The following AKIRIN1 variants were observed in gnomAD, a reference collection of about 807,000 sequenced individuals.
The protein encoded by AKIRIN1 is akirin-1.
Under a neutral mutation model 25.9 loss-of-function variants are expected in AKIRIN1, and 4 were observed. The ratio of observed to expected loss-of-function variants is 0.15; its 90% CI spans 0.08 to 0.35. AKIRIN1 has a LOEUF of 0.35. Ranked by LOEUF, AKIRIN1 falls within the 10% of genes least tolerant of loss-of-function variation. The probability of loss-of-function intolerance (pLI) is 1.00; values close to 1 mark genes in which losing one functional copy is unlikely to be tolerated. For synonymous variants in AKIRIN1, 125 were observed against 105.1 expected (o/e 1.19, Z -1.16); for missense variants, 243 against 266.1 (o/e 0.91, Z 0.61).
At chr1:39,003,292 T>G (rs753210399) in intron 3 of AKIRIN1, 55 bp from the exon 4 acceptor site, 5 of 1,541,912 alleles carry the variant, frequency 3.2e-6, no homozygotes, top group Non-Finnish European at 4.5e-6. Flanking sequence ...TGACGCTTGA[T>G]TCTTAAAAAT....
At chr1:39,003,447 TTCTAAG>T in intron 4 of AKIRIN1, 29 bp downstream of exon 4, 1 of 1,605,836 alleles carries the variant, frequency 6.2e-7, no homozygotes, top group East Asian at 2.2e-5. Context: ...TCTTTGAATT[TTCTAAG>T]TTTCAAGAGC....
In AKIRIN1 at chr1:39,004,692, A is replaced by G. The variant is rs4147753; in HGVS notation, c.*637A>G. ...TGATAAAGCGAAGGTCTGCGGTCCT[A>G]TATCTACAGACACGTGGTGAGAAAT... On this transcript the variant is annotated 3_prime_UTR_variant, in exon 5 of 5. Coordinates refer to ENST00000432648, the MANE Select transcript of AKIRIN1 (RefSeq NM_024595.3). The G allele has an allele frequency of 0.26, 42,193 of 159,612 alleles. 5,739 individuals carry two copies. The highest frequency in any genetic ancestry group is 0.31 in the East Asian group (1,664 of 5,346). 9.9% of individuals were successfully genotyped at this position (159,612 alleles called of 1,614,324 possible). A position where few individuals can be genotyped will look rare whatever the true frequency, so the allele number is the denominator to read the frequency against.
chr1:39,000,073 G>A (rs1463897646), intron 2 of AKIRIN1, among the ~76,000 whole-genome samples: 5 of 151,724 alleles, frequency 3.3e-5, no homozygotes, highest in African/African-American at 4.8e-5. Context: ...TAGTAGAGGC[G>A]GGATTTCACC....
intron 2 of AKIRIN1, 111 bp from the exon 3 acceptor site, chr1:39,000,861 G>A: frequency 1.6e-6 from 2 of 1,227,672 alleles, no homozygotes; most frequent in Non-Finnish European, 2.2e-6. Context: ...TCTCCACGTT[G>A]TCAGGCTGGT....
chr1:39,002,564 A>C (rs1644002032), intron 3 of AKIRIN1, among the ~76,000 whole-genome samples: 1 of 152,144 alleles, frequency 6.6e-6, no homozygotes, highest in African/African-American at 2.4e-5. Context: ...CCCCGTCTCT[A>C]CTAAAAATAC....
intron 1 of AKIRIN1, 61 bp downstream of exon 1, chr1:38,991,661 GGTGGGGGA>G: frequency 2.4e-5 from 21 of 891,548 alleles, no homozygotes; most frequent in East Asian, 3.9e-5. Flanking sequence ...TGGGGGGGGT[GGTGGGGGA>G]GGGTTGGGAA....
At chr1:38,997,603 C>T (rs1485672228) in intron 1 of AKIRIN1, among the ~76,000 whole-genome samples, 3 of 152,174 alleles carry the variant, frequency 2.0e-5, no homozygotes, top group Admixed American at 2.0e-4. Context: ...AGGGATCCTC[C>T]CGCCTCCCCC....
chr1:38,997,091 G>A (rs941052996), intron 1 of AKIRIN1, among the ~76,000 whole-genome samples: 3 of 149,728 alleles, frequency 2.0e-5, no homozygotes, highest in Non-Finnish European at 4.4e-5. Context: ...AAGTGGCATT[G>A]TTAATACCTC....
At chr1:38,994,056 G>GTGAAA (rs1643929125) in intron 1 of AKIRIN1, among the ~76,000 whole-genome samples, 1 of 150,234 alleles carries the variant, frequency 6.7e-6, no homozygotes, top group African/African-American at 2.5e-5. Context: ...GGTGACAAGA[G>GTGAAA]TGAAACTCCA....
Position 39,004,101 on chromosome 1 carries a change from C to A in AKIRIN1, c.*46C>A. 1 of 1,591,334 alleles carries A rather than the reference C, an allele frequency of 6.3e-7. No individual in the cohort carries two copies. The highest frequency in any genetic ancestry group is 1.1e-5 in the South Asian group (1 of 90,580). On this transcript the variant is annotated 3_prime_UTR_variant, in exon 5 of 5. Coordinates refer to ENST00000432648, the MANE Select transcript of AKIRIN1 (RefSeq NM_024595.3). ...TACCAGGTTTGACCTCAAGAGATGG[C>A]TGCTGTACACTTTTTGCAACTGGTT...
intron 1 of AKIRIN1, among the ~76,000 whole-genome samples, chr1:38,992,481 C>A (rs1227595200): frequency 6.6e-6 from 1 of 152,090 alleles, no homozygotes; most frequent in Non-Finnish European, 1.5e-5. Context: ...TTTTTCTATT[C>A]CTCAAGCTTA....
Position 38,991,532 on chromosome 1 carries a change from C to G in AKIRIN1, c.152C>G (p.Thr51Arg). 2 of 1,460,228 alleles carry G rather than the reference C, an allele frequency of 1.4e-6. No homozygotes were observed. The highest frequency in any genetic ancestry group is 1.8e-6 in the Non-Finnish European group (2 of 1,111,132). The allele number at this position is 1,460,228 out of a possible 1,614,324, so 90.5% of individuals were successfully genotyped here. A position where few individuals can be genotyped will look rare whatever the true frequency, so the allele number is the denominator to read the frequency against. The stretch of plus-strand genomic sequence containing the variant: ...GCCGAGCCGCCGCCGCCGTTTCAGA[C>G]GCAGACCCCACCGCAGAGTCTGCAG... ...PDAEPPPPFQ[T>R]QTPPQSLQQP... Residue 51 changes from threonine (T) to arginine (R), a missense_variant, in exon 1 of 5, where the codon ACG becomes AGG. By Grantham distance (71) the Thr-to-Arg change is moderately conservative (BLOSUM62 -1). This residue lies in a region of AKIRIN1 where 190 missense variants were observed against 174.4 expected (regional missense o/e 1.09). Transcript: ENST00000432648.
At position 39,004,895 on chromosome 1, in the gene AKIRIN1, AGGAGCATCAGGGTTGGCTTG is replaced by A. The variant is rs753657279; in HGVS notation, c.*848_*867del. On this transcript the variant is annotated 3_prime_UTR_variant, in exon 5 of 5. Transcript: ENST00000432648. Reference sequence around the variant, plus strand: ...AAGGGAAAAGGTCTACCCTGGAGCCAGGAGCATCAGGGTTGGCTTGGGAGCATGAGAGGTGAGCCCAGGGC... The same window carrying A: ...AAGGGAAAAGGTCTACCCTGGAGCCAGGAGCATGAGAGGTGAGCCCAGGGC... 3 of 152,416 alleles carry A rather than the reference AGGAGCATCAGGGTTGGCTTG, an allele frequency of 2.0e-5. No homozygotes were observed. The highest frequency in any genetic ancestry group is 2.9e-5 in the Non-Finnish European group (2 of 68,140). The allele number at this position is 152,416 out of a possible 1,614,324, so 9.4% of individuals were successfully genotyped here.
intron 1 of AKIRIN1, among the ~76,000 whole-genome samples, chr1:38,995,657 G>A (rs892689705): frequency 6.6e-6 from 1 of 152,158 alleles, no homozygotes; most frequent in Non-Finnish European, 1.5e-5. Context: ...TCTCTTAAGC[G>A]TTGTCCTCAT....
intron 3 of AKIRIN1, among the ~76,000 whole-genome samples, chr1:39,002,330 C>G (rs574257392): frequency 2.6e-5 from 4 of 152,292 alleles, no homozygotes; most frequent in African/African-American, 9.6e-5. Flanking sequence ...AACGTGGTTC[C>G]TCAGAATATT....
At chr1:39,001,761 T>A (rs1643993483) in intron 3 of AKIRIN1, among the ~76,000 whole-genome samples, 1 of 152,184 alleles carries the variant, frequency 6.6e-6, no homozygotes, top group Non-Finnish European at 1.5e-5. Flanking sequence ...CTTGCAAGAA[T>A]TTTCCATATC....
In AKIRIN1 at chr1:38,991,537, AC is replaced by A; in HGVS notation, c.161del (p.Pro54HisfsTer27). On this transcript the variant is annotated frameshift_variant, in exon 1 of 5. Coordinates refer to ENST00000432648, the MANE Select transcript of AKIRIN1 (RefSeq NM_024595.3). LOFTEE classifies it high-confidence loss of function. ...GCCGCCGCCGCCGTTTCAGACGCAGACCCCACCGCAGAGTCTGCAGCAGCCC... is the reference window on the plus strand; with the variant it reads ...GCCGCCGCCGCCGTTTCAGACGCAGACCCACCGCAGAGTCTGCAGCAGCCC... ...AEPPPPFQTQTPPQSLQQPAP... is the reference protein window; with the variant it reads ...AEPPPPFQTQXPPQSLQQPAP... 1 of 1,455,324 alleles carries A rather than the reference AC, an allele frequency of 6.9e-7. No homozygotes were observed. Among genetic ancestry groups the A allele is most frequent in the Non-Finnish European group, 9.0e-7 (1 of 1,109,136 alleles). The allele number at this position is 1,455,324 out of a possible 1,614,324, so 90.2% of individuals were successfully genotyped here. A position where few individuals can be genotyped will look rare whatever the true frequency, so the allele number is the denominator to read the frequency against.
chr1:39,003,302 T>C (rs772503950), intron 3 of AKIRIN1, 45 bp from the exon 4 acceptor site: 1 of 1,574,868 alleles, frequency 6.3e-7, no homozygotes, highest in East Asian at 2.2e-5. Flanking sequence ...TTCTTAAAAA[T>C]TGAGGGAGAG....
chr1:38,991,553 T>G lies in AKIRIN1; in HGVS notation c.173T>G (p.Leu58Arg). Residue 58 changes from leucine (L) to arginine (R), a missense_variant, in exon 1 of 5, where the codon CTG becomes CGG. Leu to Arg is a moderately radical substitution (Grantham distance 102). Transcript: ENST00000432648. ...PFQTQTPPQS[L>R]QQPAPPGSER... ...CAGACGCAGACCCCACCGCAGAGTC[T>G]GCAGCAGCCCGCCCCGCCCGGCAGC... 1.4e-6 allele frequency: 2 copies of G among 1,409,328 alleles called. No homozygotes were observed. Among genetic ancestry groups the G allele is most frequent in the African/African-American group, 3.0e-5 (2 of 66,684 alleles). The allele number at this position is 1,409,328 out of a possible 1,614,324, so 87.3% of individuals were successfully genotyped here. A position where few individuals can be genotyped will look rare whatever the true frequency, so the allele number is the denominator to read the frequency against.
Sources: gnomAD v4.1 joint callset for allele counts (sites outside exome capture counted in the v4.1 genomes callset) on GRCh38, gnomAD v4.1.1 for gene constraint, gnomAD v4.1.1 regional missense constraint, MANE v1.5 for transcripts, NCBI Gene and HGNC (gene_info 2026-07-23, HGNC 2026-07-21) for gene names.